Variants in ABLIM1 observed in about 807,000 individuals in gnomAD.
The protein encoded by ABLIM1 is actin-binding LIM protein 1.
A neutral mutation model predicts 107.0 loss-of-function variants in ABLIM1; 40 were observed. The ratio of observed to expected loss-of-function variants is 0.37; its 90% CI spans 0.29 to 0.49. The LOEUF is 0.49. Among genes scored for constraint, ABLIM1 ranks in the 20% least tolerant of loss-of-function variants. The pLI, the probability that ABLIM1 is intolerant of heterozygous loss-of-function variation, is 0.97. For missense variants in ABLIM1, 857 were observed against 1,008.5 expected (o/e 0.85, Z 2.04); for synonymous variants, 357 against 357.3 (o/e 1.00, Z 0.01).
At chr10:114,774,792 C>T in the ABLIM1 span, among the ~76,000 whole-genome samples, 3 of 152,026 alleles carry the variant, frequency 2.0e-5, no homozygotes, top group Non-Finnish European at 4.4e-5. Context: ...TAGATGTAGG[C>T]TCTGTCATAA....
intron 4 of ABLIM1, among the ~76,000 whole-genome samples, chr10:114,564,368 G>A (rs1326880814): frequency 1.3e-5 from 2 of 151,968 alleles, no homozygotes; most frequent in Middle Eastern, 6.8e-3. Flanking sequence ...GGGTTCAAGC[G>A]ATTCTTCTCC....
At chr10:114,662,890 G>A (rs190541768), upstream of ABLIM1, among the ~76,000 whole-genome samples, 12 of 152,334 alleles carry the variant, frequency 7.9e-5, no homozygotes, top group East Asian at 2.3e-3. Flanking sequence ...GGAATGAGAG[G>A]CAGGCTTGGA....
intron 1 of ABLIM1, among the ~76,000 whole-genome samples, chr10:114,674,951 T>C (rs1340884916): frequency 6.6e-6 from 1 of 152,146 alleles, no homozygotes; most frequent in East Asian, 1.9e-4. Flanking sequence ...CCTTAGAACC[T>C]CTCTTGGCTC....
intron 8 of ABLIM1, among the ~76,000 whole-genome samples, chr10:114,475,464 T>C (rs1163980111): frequency 6.6e-6 from 1 of 152,230 alleles, no homozygotes; most frequent in Non-Finnish European, 1.5e-5. Context: ...TTAACTTTAG[T>C]CATGCTCTCT....
intron 11 of ABLIM1, among the ~76,000 whole-genome samples, chr10:114,467,776 A>G (rs982282090): frequency 6.6e-6 from 1 of 152,228 alleles, no homozygotes; most frequent in Admixed American, 6.5e-5. Flanking sequence ...GACTAAACAG[A>G]GTAACCTCCC....
chr10:114,601,923 G>T lies in ABLIM1; in HGVS notation c.283C>A (p.Pro95Thr), dbSNP rs766959519. The T allele has an allele frequency of 1.2e-6, 2 of 1,614,180 alleles. No individual in the cohort carries two copies. The highest frequency in any genetic ancestry group is 8.5e-7 in the Non-Finnish European group (1 of 1,180,022). Residue 95 changes from proline to threonine, a missense_variant, in exon 2 of 23, where the codon CCT becomes ACT. Transcript: ENST00000533213. ...PQDPHHPSEK[P>T]VIHCHKCGEP... ...CCACATTTATGGCAGTGAATGACAG[G>T]CTTCTCTGATGGGTGGTGAGGGTCC...
At chr10:114,713,426 A>G (rs1321324937) in intron 1 of ABLIM1, among the ~76,000 whole-genome samples, 4 of 152,202 alleles carry the variant, frequency 2.6e-5, no homozygotes, top group Non-Finnish European at 4.4e-5. Flanking sequence ...GTAAGATCCA[A>G]CAATAAACTA....
chr10:114,622,885 A>T (rs2483604), intron 1 of ABLIM1, among the ~76,000 whole-genome samples: 3,858 of 152,308 alleles, frequency 0.025, 160 homozygotes, highest in African/African-American at 0.087. Flanking sequence ...AGCCTAAACA[A>T]CATATTTCAA....
At chr10:114,704,292 CTCTCTCTCTCTATATATA>C (rs1298785383) in intron 1 of ABLIM1, among the ~76,000 whole-genome samples, 550 of 28,214 alleles carry the variant, frequency 0.019, 3 homozygotes, top group African/African-American at 0.065. Context: ...CTCTCTCTCT[CTCTCTCTCTCTATATATA>C]TATATATATA....
intron 1 of ABLIM1, among the ~76,000 whole-genome samples, chr10:114,613,922 C>T (rs1188156827): frequency 6.6e-6 from 1 of 152,080 alleles, no homozygotes; most frequent in South Asian, 2.1e-4. Flanking sequence ...CTATTCATCC[C>T]GGTGACAAGG....
At chr10:114,692,947 G>A (rs186554358) in intron 1 of ABLIM1, among the ~76,000 whole-genome samples, 1 of 152,222 alleles carries the variant, frequency 6.6e-6, no homozygotes, top group African/African-American at 2.4e-5. Context: ...CAACACCAAG[G>A]ACACCTTGCT....
intron 1 of ABLIM1, among the ~76,000 whole-genome samples, chr10:114,626,008 C>G (rs1004412186): frequency 1.3e-5 from 2 of 152,156 alleles, no homozygotes; most frequent in African/African-American, 4.8e-5. Context: ...CTTAGAAGAA[C>G]ATTTTTTTAG....
rs754447948 is a variant in ABLIM1 at position 114,711,986 on chromosome 10, G to C, written c.-213+56075C>G. On this transcript the variant is annotated intron_variant, in intron 1 of 15. Transcript: ENST00000651092. ...GCAAAGGGTGGAGAATGGAATCGGA[G>C]GAGCATGTGGAAAATATTCAGCATA... is the stretch of plus-strand genomic sequence containing the variant. Among the ~76,000 whole-genome samples the C allele has an allele frequency of 2.0e-5, 3 of 152,082 alleles. No homozygotes were observed. In the East Asian group the frequency reaches 5.8e-4, roughly 29 times the overall value.
chr10:114,709,445 T>C (rs2081497107), intron 1 of ABLIM1, among the ~76,000 whole-genome samples: 1 of 152,236 alleles, frequency 6.6e-6, no homozygotes, highest in Admixed American at 6.5e-5. Context: ...TAAATATGCT[T>C]AAAACAGTTA....
intron 10 of ABLIM1, among the ~76,000 whole-genome samples, chr10:114,468,784 GC>G (rs2065806268): frequency 6.6e-6 from 1 of 151,088 alleles, no homozygotes; most frequent in South Asian, 2.1e-4. Context: ...GGGTGCGGTG[GC>G]TCACGTCTGT....
Position 114,476,009 on chromosome 10 carries a change from T to C in ABLIM1, c.1042-2053A>G, listed in dbSNP as rs535640475. ...AAAGAAACTCCTTCAGACAAGGGTGTTGTCTCACTATGCTGTTCACAGTTG... is the reference window on the plus strand; with the variant it reads ...AAAGAAACTCCTTCAGACAAGGGTGCTGTCTCACTATGCTGTTCACAGTTG... On this transcript the variant is annotated intron_variant, in intron 8 of 22. Coordinates refer to ENST00000533213, the MANE Select transcript of ABLIM1 (RefSeq NM_002313.7). Among the ~76,000 whole-genome samples, 153 of 152,374 alleles carry C rather than the reference T, an allele frequency of 1.0e-3. 1 individual carries two copies. The highest frequency in any genetic ancestry group is 3.6e-3 in the African/African-American group (150 of 41,594).
At chr10:114,628,904 A>G (rs1174286096) in intron 1 of ABLIM1, among the ~76,000 whole-genome samples, 1 of 152,100 alleles carries the variant, frequency 6.6e-6, no homozygotes, top group African/African-American at 2.4e-5. Flanking sequence ...GGGCCTCTGG[A>G]GTATAGGTTG....
chr10:114,571,214 C>T (rs939992862), intron 4 of ABLIM1, 83 bp downstream of exon 4: 16 of 1,135,168 alleles, frequency 1.4e-5, no homozygotes, highest in African/African-American at 1.4e-4. Flanking sequence ...CAGCTAACAG[C>T]GTTTCTCAAA....
upstream of ABLIM1, among the ~76,000 whole-genome samples, chr10:114,768,505 A>C (rs1348102002): frequency 2.6e-5 from 4 of 152,090 alleles, no homozygotes; most frequent in Admixed American, 6.5e-5. Context: ...CAGAGAGAGA[A>C]AGCAAGAAAG....
Sources: allele counts gnomAD v4.1 joint callset (sites outside exome capture counted in the v4.1 genomes callset), GRCh38; gene constraint gnomAD v4.1.1; transcripts MANE v1.5; gene names NCBI Gene and HGNC (gene_info 2026-07-23, HGNC 2026-07-21).